The following PHKG2 variants were observed in gnomAD, a reference collection of about 807,000 sequenced individuals.
PHKG2 encodes phosphorylase kinase catalytic subunit gamma 2, also known as phosphorylase b kinase gamma catalytic chain, liver/testis isoform.
A neutral mutation model predicts 44.5 loss-of-function variants in PHKG2; 28 were observed. The ratio of observed to expected loss-of-function variants is 0.63; its 90% CI spans 0.47 to 0.86. The LOEUF is 0.86. Ranked by LOEUF, PHKG2 falls within the 40% of genes least tolerant of loss-of-function variation. The pLI, the probability that PHKG2 is intolerant of heterozygous loss-of-function variation, is 0.00. For missense variants in PHKG2, 498 were observed against 547.5 expected, an observed-to-expected ratio of 0.91 and a Z score of 0.90; for synonymous variants, 220 against 211.2, an observed-to-expected ratio of 1.04 and a Z score of -0.36.
intron 2 of PHKG2, among the ~76,000 whole-genome samples, chr16:30,749,201 GGTGGTGTGTGTGTGTGTGTGTGT>G (rs1567259760): frequency 1.2e-4 from 5 of 41,262 alleles, no homozygotes; most frequent in Admixed American, 8.6e-4. Context: ...TGGTGCTGGT[GGTGGTGTGTGTGTGTGTGTGTGT>G]CTTTCGGTGG....
Position 30,759,884 on chromosome 16 carries a change from C to G in PHKG2, c.*2787C>G. On this transcript the variant is annotated 3_prime_UTR_variant, in exon 10 of 10. Transcript: ENST00000563588. ...TCATGTAACAAATACTGAATACCCA[C>G]TATATGCCCACTGTATGGTTTTCGG... 6.9e-7 allele frequency: 1 copy of G among 1,447,612 alleles called. No homozygotes were observed. The highest frequency in any genetic ancestry group is 9.1e-7 in the Non-Finnish European group (1 of 1,104,334). The allele number at this position is 1,447,612 out of a possible 1,614,324, so 89.7% of individuals were successfully genotyped here. A position where few individuals can be genotyped will look rare whatever the true frequency, so the allele number is the denominator to read the frequency against.
rs1291921693 is a variant in PHKG2, at chr16:30,759,012, T to C, written c.*1915T>C. ...CAGCCTGCCCTCTCCAGATCCTCACTTGGCTCTGGCTCTGGTGGGGCCACT... is the reference window on the plus strand; with the variant it reads ...CAGCCTGCCCTCTCCAGATCCTCACCTGGCTCTGGCTCTGGTGGGGCCACT... On this transcript the variant is annotated 3_prime_UTR_variant, in exon 10 of 10. Coordinates refer to ENST00000563588, the MANE Select transcript of PHKG2 (RefSeq NM_000294.3). 3.1e-6 allele frequency: 5 copies of C among 1,614,106 alleles called. No individual in the cohort carries two copies. The highest frequency in any genetic ancestry group is 1.3e-5 in the African/African-American group (1 of 74,938).
At chr16:30,750,378 C>T (rs1490084619) in intron 2 of PHKG2, among the ~76,000 whole-genome samples, 1 of 152,066 alleles carries the variant, frequency 6.6e-6, no homozygotes, top group Non-Finnish European at 1.5e-5. Context: ...TAAGGCTCTG[C>T]GAAGGGCAGC....
In PHKG2 at chr16:30,760,241, C is replaced by T; in HGVS notation, c.*3144C>T. On this transcript the variant is annotated 3_prime_UTR_variant, in exon 10 of 10. Transcript: ENST00000563588. ...TGGTCACTTGTGCCAGGCCCGGTTC[C>T]TCTTCTCCCTGGGGCTCAAACCTGG... 1 of 1,613,818 alleles carries T rather than the reference C, an allele frequency of 6.2e-7. No individual in the cohort carries two copies. The highest frequency in any genetic ancestry group is 1.1e-5 in the South Asian group (1 of 91,092).
chr16:30,760,583 C>A lies in PHKG2; in HGVS notation c.*3486C>A, dbSNP rs1338030281. On this transcript the variant is annotated 3_prime_UTR_variant, in exon 10 of 10. Transcript: ENST00000563588. ...CCCTCAGCCTTTGCCAAGAGCTCTT[C>A]CCACGCCCCCCTCAGTCCCTACTCC... The A allele has an allele frequency of 6.4e-7, 1 of 1,563,210 alleles. No individual in the cohort carries two copies.
rs761535736 is a variant in PHKG2, at chr16:30,756,423, A to C, written c.704A>C (p.His235Pro). The C allele has an allele frequency of 6.2e-7, 1 of 1,613,944 alleles. No individual in the cohort carries two copies. Among genetic ancestry groups the C allele is most frequent in the Non-Finnish European group, 8.5e-7 (1 of 1,179,992 alleles). ...TLLAGSPPFW[H>P]RRQILMLRMI... ...CTGGCTGGCTCGCCACCCTTCTGGC[A>C]CCGGCGGCAGATCCTGATGTTACGC... is the stretch of plus-strand genomic sequence containing the variant. The change falls in exon 8 of 10, where the codon CAC (histidine) becomes CCC (proline). Residue 235 changes from histidine to proline, a missense_variant. Transcript: ENST00000563588.
At position 30,757,489 on chromosome 16, in the gene PHKG2, C is replaced by A. The variant is rs2053456550; in HGVS notation, c.*392C>A. ...AAATGTTGGGGGTCACTTGGTCTTG[C>A]TCTTGCCTTTACCCGGAGGTAGCTG... is the stretch of plus-strand genomic sequence containing the variant. On this transcript the variant is annotated 3_prime_UTR_variant, in exon 10 of 10. Transcript: ENST00000563588. 6.2e-7 allele frequency: 1 copy of A among 1,613,656 alleles called. No homozygotes were observed. The highest frequency in any genetic ancestry group is 1.1e-5 in the South Asian group (1 of 91,004).
At chr16:30,748,537 G>A (rs759327349) in intron 1 of PHKG2, 47 bp downstream of exon 1, 49 of 511,396 alleles carry the variant, frequency 9.6e-5, no homozygotes, top group Non-Finnish European at 1.5e-4. Context: ...CCGCCCGAAT[G>A]CGCCTGCGCG....
In PHKG2 at chr16:30,760,503, C is replaced by G. The variant is rs2053684984; in HGVS notation, c.*3406C>G. The stretch of plus-strand genomic sequence containing the variant: ...GACAACTGGGCCTCCTTTCATCACC[C>G]TACACCCACCACATGCTTTGGAGTC... On this transcript the variant is annotated 3_prime_UTR_variant, in exon 10 of 10. Coordinates refer to ENST00000563588, the MANE Select transcript of PHKG2 (RefSeq NM_000294.3). The G allele has an allele frequency of 6.2e-7, 1 of 1,611,944 alleles. No homozygotes were observed. The highest frequency in any genetic ancestry group is 8.5e-7 in the Non-Finnish European group (1 of 1,178,836).
intron 3 of PHKG2, 30 bp from the exon 4 acceptor site, chr16:30,751,517 CTG>C (rs1567260980): frequency 6.3e-7 from 1 of 1,593,054 alleles, no homozygotes. Context: ...CTTTCCATCT[CTG>C]TCTCTCTGCC....
At chr16:30,754,189 A>C (rs1180496106) in intron 6 of PHKG2, among the ~76,000 whole-genome samples, 2 of 144,938 alleles carry the variant, frequency 1.4e-5, no homozygotes, top group African/African-American at 2.6e-5. Context: ...TTTTTGAGAC[A>C]GAGTCTCACT....
chr16:30,748,773 C>T (rs750670517), intron 1 of PHKG2, 30 bp from the exon 2 acceptor site: 5 of 1,422,440 alleles, frequency 3.5e-6, no homozygotes, highest in Middle Eastern at 1.9e-4. Flanking sequence ...GTGGGCCTCC[C>T]TGCCCTCACT....
chr16:30,750,316 G>A (rs1365132188), intron 2 of PHKG2, among the ~76,000 whole-genome samples: 2 of 152,168 alleles, frequency 1.3e-5, no homozygotes, highest in Admixed American at 6.5e-5. Context: ...GTGGGTGGCC[G>A]AATTCCCAAG....
In PHKG2 at chr16:30,748,782, C is replaced by T. The variant is rs963834375; in HGVS notation, c.-18-21C>T. 16 of 1,484,972 alleles carry T rather than the reference C, an allele frequency of 1.1e-5. No individual in the cohort carries two copies. In the Middle Eastern group the frequency reaches 5.4e-4, roughly 50 times the overall value. 92.0% of individuals were successfully genotyped at this position (1,484,972 alleles called of 1,614,324 possible). On this transcript the variant is annotated intron_variant, in intron 1 of 9. Transcript: ENST00000563588. ...GAGCCTGTGGGCCTCCCTGCCCTCA[C>T]TGCCCTCCTCCTCCGCGCAGGCCCC...
chr16:30,758,673 A>T lies in PHKG2; in HGVS notation c.*1576A>T. The T allele has an allele frequency of 3.2e-6, 1 of 315,178 alleles. No homozygotes were observed. Among genetic ancestry groups the T allele is most frequent in the South Asian group, 2.9e-5 (1 of 34,090 alleles). 19.5% of individuals were successfully genotyped at this position (315,178 alleles called of 1,614,324 possible). A position where few individuals can be genotyped will look rare whatever the true frequency, so the allele number is the denominator to read the frequency against. ...TGGGTTCATGCAGTTCTCCTGCCTCAGCCTCCTGAGTAGCTGGGACTACAA... is the reference window on the plus strand; with the variant it reads ...TGGGTTCATGCAGTTCTCCTGCCTCTGCCTCCTGAGTAGCTGGGACTACAA... On this transcript the variant is annotated 3_prime_UTR_variant, in exon 10 of 10. Transcript: ENST00000563588.
chr16:30,760,203 C>A lies in PHKG2; in HGVS notation c.*3106C>A. On this transcript the variant is annotated 3_prime_UTR_variant, in exon 10 of 10. Coordinates refer to ENST00000563588, the MANE Select transcript of PHKG2 (RefSeq NM_000294.3). ...ACATATTCCAGGCAGAAATCCCCTGCTTCTGCTTCCCATGGTCACTTGTGC... is the reference window on the plus strand; with the variant it reads ...ACATATTCCAGGCAGAAATCCCCTGATTCTGCTTCCCATGGTCACTTGTGC... 6.2e-7 allele frequency: 1 copy of A among 1,610,166 alleles called. No homozygotes were observed.
rs201418865 is a variant in PHKG2 at position 30,757,636 on chromosome 16, C to G, written c.*539C>G. The stretch of plus-strand genomic sequence containing the variant: ...GTTCACTTGGGTCTTGATGTAGGCT[C>G]GGAGGACGTGGATGTGGCCTGCAGG... On this transcript the variant is annotated 3_prime_UTR_variant, in exon 10 of 10. Transcript: ENST00000563588. The G allele has an allele frequency of 4.3e-6, 7 of 1,613,136 alleles. No individual in the cohort carries two copies. Among genetic ancestry groups the G allele is most frequent in the African/African-American group, 4.0e-5 (3 of 74,918 alleles).
Position 30,749,052 on chromosome 16 carries a change from G to GC in PHKG2, c.95+137_95+138insC, listed in dbSNP as rs1567259376. ...GGTGGTGGTGGTGGTGGTGGTGGTG[G>GC]TGGTGGTGGTGGTGGTGGTGGTGGT... On this transcript the variant is annotated intron_variant, in intron 2 of 9. Coordinates refer to ENST00000563588, the MANE Select transcript of PHKG2 (RefSeq NM_000294.3). The GC allele has an allele frequency of 2.9e-5, 4 of 139,462 alleles. 1 individual carries two copies. Among genetic ancestry groups the GC allele is most frequent in the Non-Finnish European group, 5.9e-5 (4 of 67,504 alleles). The allele number at this position is 139,462 out of a possible 1,614,324, so 8.6% of individuals were successfully genotyped here.
chr16:30,753,684 A>G (rs916870355), intron 6 of PHKG2, 127 bp downstream of exon 6: 2 of 908,082 alleles, frequency 2.2e-6, no homozygotes, highest in East Asian at 2.5e-5. Flanking sequence ...GCACTTGCCA[A>G]GTATCCTGTG....
Sources: allele counts gnomAD v4.1 joint callset (sites outside exome capture counted in the v4.1 genomes callset), GRCh38; gene constraint gnomAD v4.1.1; transcripts MANE v1.5; gene names NCBI Gene and HGNC (gene_info 2026-07-23, HGNC 2026-07-21).